The following CEP85L variants were observed in gnomAD, a reference collection of about 807,000 sequenced individuals.
CEP85L encodes centrosomal protein 85L, also known as centrosomal protein of 85 kDa-like.
A neutral mutation model predicts 100.3 loss-of-function variants in CEP85L; 60 were observed. The ratio of observed to expected loss-of-function variants is 0.60; its 90% CI spans 0.49 to 0.74. The LOEUF is 0.74. CEP85L is among the 30% of genes least tolerant of loss of function. CEP85L has a pLI of 0.00. For synonymous variants in CEP85L, 319 were observed against 322.7 expected (o/e 0.99, Z 0.12); for missense variants, 973 against 936.2 (o/e 1.04, Z -0.51).
At chr6:118,507,268 A>C (rs1422567398) in intron 5 of CEP85L, among the ~76,000 whole-genome samples, 1 of 152,176 alleles carries the variant, frequency 6.6e-6, no homozygotes, top group East Asian at 1.9e-4. Context: ...TATGTCATTA[A>C]ATCTGGCCCA....
chr6:118,685,777 GA>G (rs1368863306), intron 1 of CEP85L, among the ~76,000 whole-genome samples: 1 of 152,054 alleles, frequency 6.6e-6, no homozygotes, highest in Non-Finnish European at 1.5e-5. Context: ...GATGACAGTG[GA>G]AAAAATGGAG....
Position 118,465,258 on chromosome 6 carries a change from T to A in CEP85L, c.*147A>T, listed in dbSNP as rs969847718. 3 of 638,148 alleles carry A rather than the reference T, an allele frequency of 4.7e-6. No homozygotes were observed. In the Admixed American group the frequency reaches 9.3e-5, roughly 20 times the overall value. The allele number at this position is 638,148 out of a possible 1,614,324, so 39.5% of individuals were successfully genotyped here. A position where few individuals can be genotyped will look rare whatever the true frequency, so the allele number is the denominator to read the frequency against. On this transcript the variant is annotated 3_prime_UTR_variant, in exon 13 of 13. Transcript: ENST00000368491. ...TTAGATAAGCCCCTTCAAAATCTCTTCACTTCCCTTCTCCCCTTCAACAAA... is the reference window on the plus strand; with the variant it reads ...TTAGATAAGCCCCTTCAAAATCTCTACACTTCCCTTCTCCCCTTCAACAAA...
chr6:118,502,084 G>A, intron 5 of CEP85L: 1 of 915,664 alleles, frequency 1.1e-6, no homozygotes, highest in Non-Finnish European at 1.7e-6. Flanking sequence ...CATTGTAGGA[G>A]AGCCAGAATA....
intron 6 of CEP85L, among the ~76,000 whole-genome samples, chr6:118,491,239 A>ACACACG (rs55963304): frequency 1.6e-5 from 2 of 122,702 alleles, no homozygotes; most frequent in Non-Finnish European, 3.5e-5. Flanking sequence ...ACACACACAC[A>ACACACG]TATGCATGCA....
intron 4 of CEP85L, among the ~76,000 whole-genome samples, chr6:118,511,732 G>A (rs1482164420): frequency 1.3e-5 from 2 of 152,058 alleles, no homozygotes; most frequent in Non-Finnish European, 2.9e-5. Flanking sequence ...GAATAATAAA[G>A]ATAGTATGAG....
intron 1 of CEP85L, among the ~76,000 whole-genome samples, chr6:118,667,348 T>A (rs758803036): frequency 2.6e-5 from 4 of 152,202 alleles, no homozygotes; most frequent in Non-Finnish European, 4.4e-5. Context: ...AAGGTTTGAT[T>A]TCCTGAGTGG....
In CEP85L at chr6:118,549,952, T is replaced by C. The variant is rs537998601; in HGVS notation, c.1020+15577A>G. On this transcript the variant is annotated intron_variant, in intron 3 of 12. Coordinates refer to ENST00000368491, the MANE Select transcript of CEP85L (RefSeq NM_001042475.3). ...TTTCAAATATAATGTGGTAGTACCATACATTGTGTCCCAACTAGTTCATCT... is the reference window on the plus strand; with the variant it reads ...TTTCAAATATAATGTGGTAGTACCACACATTGTGTCCCAACTAGTTCATCT... 8.9e-4 allele frequency among the ~76,000 whole-genome samples: 135 copies of C among 152,032 alleles called. 1 individual carries two copies. Among genetic ancestry groups the C allele is most frequent in the Admixed American group, 4.6e-3 (70 of 15,262 alleles).
chr6:118,551,960 G>GTA (rs1365957560), intron 3 of CEP85L, among the ~76,000 whole-genome samples: 3 of 151,946 alleles, frequency 2.0e-5, no homozygotes, highest in Non-Finnish European at 4.4e-5. Context: ...CCAAAAAAGG[G>GTA]TATATGCACA....
intron 1 of CEP85L, among the ~76,000 whole-genome samples, chr6:118,660,514 G>A (rs1047428402): frequency 2.6e-5 from 4 of 152,112 alleles, no homozygotes; most frequent in African/African-American, 9.7e-5. Flanking sequence ...CTACTTACTT[G>A]AACACTATGA....
At chr6:118,626,621 C>A (rs1035646758) in intron 2 of CEP85L, among the ~76,000 whole-genome samples, 17 of 152,258 alleles carry the variant, frequency 1.1e-4, no homozygotes, top group African/African-American at 3.9e-4. Context: ...AAGGCAATCA[C>A]CCAAGCTAGC....
At chr6:118,519,560 GTGTGTGTGTGTGT>G (rs1776524659) in intron 4 of CEP85L, among the ~76,000 whole-genome samples, 2 of 14,830 alleles carry the variant, frequency 1.3e-4, no homozygotes, top group African/African-American at 3.8e-4. Flanking sequence ...GTGTGTGTGT[GTGTGTGTGTGTGT>G]GTGTGTGTGG....
chr6:118,586,297 T>C (rs1780857324), intron 2 of CEP85L, among the ~76,000 whole-genome samples: 1 of 152,218 alleles, frequency 6.6e-6, no homozygotes, highest in Non-Finnish European at 1.5e-5. Context: ...ATGGACACAC[T>C]TTCCTTACCA....
chr6:118,572,898 TAAAAATACAA>T (rs563707567), intron 2 of CEP85L, among the ~76,000 whole-genome samples: 237 of 152,012 alleles, frequency 1.6e-3, no homozygotes, highest in African/African-American at 5.4e-3. Flanking sequence ...CCATTTCTAC[TAAAAATACAA>T]AAAATTAGCC....
rs1781649127 is a variant in CEP85L at position 118,600,084 on chromosome 6, CAATT to C, written c.232+32365_232+32368del. On this transcript the variant is annotated intron_variant, in intron 2 of 12. Coordinates refer to ENST00000368491, the MANE Select transcript of CEP85L (RefSeq NM_001042475.3). Reference sequence around the variant, plus strand: ...AGGAGTCCACATTGATATAAATAAACAATTAAATAAATGGAAGAGAAGTGGAAGT... The same window carrying C: ...AGGAGTCCACATTGATATAAATAAACAAATAAATGGAAGAGAAGTGGAAGT... Among the ~76,000 whole-genome samples, 2 of 150,758 alleles carry C rather than the reference CAATT, an allele frequency of 1.3e-5. 1 individual carries two copies. The highest frequency in any genetic ancestry group is 3.0e-5 in the Non-Finnish European group (2 of 67,498).
At chr6:118,499,263 T>C (rs1469679838) in intron 5 of CEP85L, among the ~76,000 whole-genome samples, 1 of 152,154 alleles carries the variant, frequency 6.6e-6, no homozygotes, top group Non-Finnish European at 1.5e-5. Context: ...AAAAGTTCAA[T>C]GTTTGAAAAT....
intron 3 of CEP85L, among the ~76,000 whole-genome samples, chr6:118,525,453 C>G (rs1284384704): frequency 6.6e-6 from 1 of 152,102 alleles, no homozygotes; most frequent in African/African-American, 2.4e-5. Context: ...AGATGAGCTC[C>G]TTAAGGTAAG....
chr6:118,560,747 C>G (rs1391056637), intron 3 of CEP85L: 1 of 162,366 alleles, frequency 6.2e-6, no homozygotes, highest in Non-Finnish European at 1.5e-5. Flanking sequence ...TCTCCTCTGA[C>G]CATTTCAGAA....
intron 2 of CEP85L, among the ~76,000 whole-genome samples, chr6:118,602,206 G>A (rs1168779700): frequency 6.6e-6 from 1 of 152,178 alleles, no homozygotes; most frequent in Non-Finnish European, 1.5e-5. Context: ...AGCTCAGTCA[G>A]AAAGCACCAG....
intron 1 of CEP85L, among the ~76,000 whole-genome samples, chr6:118,698,158 G>A (rs1479828081): frequency 6.6e-6 from 1 of 152,168 alleles, no homozygotes; most frequent in Non-Finnish European, 1.5e-5. Flanking sequence ...GACATATGTT[G>A]CTTCTAAAAT....
Sources: gnomAD v4.1 joint callset for allele counts (sites outside exome capture counted in the v4.1 genomes callset) on GRCh38, gnomAD v4.1.1 for gene constraint, MANE v1.5 for transcripts, NCBI Gene and HGNC (gene_info 2026-07-23, HGNC 2026-07-21) for gene names.